Variants in LRP5 observed in about 807,000 individuals in gnomAD.
The protein encoded by LRP5 is LDL receptor related protein 5, also known as low-density lipoprotein receptor-related protein 5.
Under a neutral mutation model 154.1 loss-of-function variants are expected in LRP5, and 62 were observed. The observed-to-expected ratio is 0.40, with a 90% confidence interval of 0.33 to 0.50. LRP5 has a LOEUF of 0.50. Ranked by LOEUF, LRP5 falls within the 20% of genes least tolerant of loss-of-function variation. The pLI is 0.55. For missense variants in LRP5, 1,915 were observed against 2,336.7 expected, an observed-to-expected ratio of 0.82 and a Z score of 3.72; for synonymous variants, 966 against 1,011.5, an observed-to-expected ratio of 0.96 and a Z score of 0.85.
In LRP5 at chr11:68,423,440, C is replaced by T. The variant is rs1565100610; in HGVS notation, c.3028-49C>T. The stretch of plus-strand genomic sequence containing the variant: ...CAGTGCCAGGGGTCTCCGCCAGTGC[C>T]CAGGGGTCTCCGCCAGTGCTCAGGA... On this transcript the variant is annotated intron_variant, in intron 13 of 22. Coordinates refer to ENST00000294304, the MANE Select transcript of LRP5 (RefSeq NM_002335.4). This position sits in a 1 kb window ranked among gnomAD's most constrained non-coding sequence, Gnocchi z 4.7. The T allele has an allele frequency of 3.2e-6, 5 of 1,566,754 alleles. No individual in the cohort carries two copies. Among genetic ancestry groups the T allele is most frequent in the Non-Finnish European group, 4.4e-6 (5 of 1,137,306 alleles).
intron 4 of LRP5, among the ~76,000 whole-genome samples, chr11:68,364,581 G>A (rs1410544928): frequency 2.0e-5 from 3 of 152,128 alleles, no homozygotes; most frequent in African/African-American, 7.2e-5. Context: ...CTCAGCCTGG[G>A]GGCCACGCTG....
At chr11:68,382,426 T>G (rs2153150327) in intron 5 of LRP5, among the ~76,000 whole-genome samples, 1 of 152,286 alleles carries the variant, frequency 6.6e-6, no homozygotes, top group East Asian at 1.9e-4. Context: ...AGCAGACCTC[T>G]CAATCTCAGC....
intron 5 of LRP5, among the ~76,000 whole-genome samples, chr11:68,385,199 G>A: frequency 6.6e-6 from 1 of 152,166 alleles, no homozygotes; most frequent in East Asian, 1.9e-4. Flanking sequence ...CCTGTCTGCA[G>A]GGACATCCTG....
intron 17 of LRP5, among the ~76,000 whole-genome samples, chr11:68,433,106 T>C (rs1054688804): frequency 6.6e-6 from 1 of 152,198 alleles, no homozygotes; most frequent in Non-Finnish European, 1.5e-5. Flanking sequence ...CTGGCCCTTC[T>C]TCTGTAGCAG....
chr11:68,335,675 G>A (rs1386995964), intron 1 of LRP5, among the ~76,000 whole-genome samples: 2 of 152,166 alleles, frequency 1.3e-5, no homozygotes, highest in Non-Finnish European at 2.9e-5. Flanking sequence ...CTCTCTGTAA[G>A]GCGTGGGGCA....
intron 11 of LRP5, among the ~76,000 whole-genome samples, chr11:68,412,593 T>C (rs2098660208): frequency 6.6e-6 from 1 of 150,752 alleles, no homozygotes; most frequent in Admixed American, 6.6e-5. Context: ...TGTGGTGAGC[T>C]GTGATCATGC....
chr11:68,311,253 G>A (rs118072594), upstream of LRP5, among the ~76,000 whole-genome samples: 1,525 of 152,148 alleles, frequency 0.01, 15 homozygotes, highest in Non-Finnish European at 0.016. Flanking sequence ...CCTCTTCCCC[G>A]CCTGAGGTCT....
intron 9 of LRP5, among the ~76,000 whole-genome samples, chr11:68,407,778 C>A (rs536650617): frequency 6.6e-6 from 1 of 151,866 alleles, no homozygotes; most frequent in Admixed American, 6.6e-5. Flanking sequence ...ACCTGGGAGG[C>A]GGAGGTTGTG....
intron 16 of LRP5, among the ~76,000 whole-genome samples, chr11:68,427,179 A>T (rs931880528): frequency 1.2e-4 from 19 of 152,300 alleles, no homozygotes; most frequent in African/African-American, 4.3e-4. Flanking sequence ...ACATAAGGTC[A>T]TGACGCCGTG....
rs548530089 is a variant in LRP5 at position 68,330,887 on chromosome 11, C to A, written c.92-16960C>A. ...GGGGAGCATGCCAAGCTGGGGATCT[C>A]CACCGGTCCAGGATTCAGGGCGCCT... is the stretch of plus-strand genomic sequence containing the variant. On this transcript the variant is annotated intron_variant, in intron 1 of 22. Coordinates refer to ENST00000294304, the MANE Select transcript of LRP5 (RefSeq NM_002335.4). 1.5e-4 allele frequency among the ~76,000 whole-genome samples: 23 copies of A among 152,356 alleles called. No homozygotes were observed. The South Asian group carries it at 3.1e-3, about 21-fold the overall frequency.
At chr11:68,418,595 G>A (rs7944732) in intron 13 of LRP5, among the ~76,000 whole-genome samples, 1,555 of 152,228 alleles carry the variant, frequency 0.01, 22 homozygotes, top group African/African-American at 0.036. Context: ...GGCTGGTGCC[G>A]TCCAGACAGG....
At chr11:68,431,231 C>CTTTTTTTTTTT (rs34840282) in intron 17 of LRP5, among the ~76,000 whole-genome samples, 2 of 92,968 alleles carry the variant, frequency 2.2e-5, no homozygotes, top group African/African-American at 4.3e-5. Context: ...GCTGTGCACC[C>CTTTTTTTTTTT]TTTTTTTTTT....
chr11:68,431,916 T>A (rs2098672154), intron 17 of LRP5, among the ~76,000 whole-genome samples: 2 of 152,162 alleles, frequency 1.3e-5, no homozygotes, highest in South Asian at 4.1e-4. Context: ...CCAGGCCCCT[T>A]CCTCACGGCT....
chr11:68,429,530 G>A (rs534332909), intron 16 of LRP5, 45 bp from the exon 17 acceptor site: 2 of 1,612,820 alleles, frequency 1.2e-6, no homozygotes, highest in East Asian at 2.2e-5. Context: ...GTTCTGAGGT[G>A]GGAGACAGAG....
At chr11:68,382,488 G>A (rs776697461) in intron 5 of LRP5, among the ~76,000 whole-genome samples, 4 of 152,168 alleles carry the variant, frequency 2.6e-5, no homozygotes, top group Non-Finnish European at 5.9e-5. Flanking sequence ...AGTACAGTTC[G>A]TGGCTATGTG....
At chr11:68,378,504 C>G (rs576566088) in intron 5 of LRP5, among the ~76,000 whole-genome samples, 1 of 47,252 alleles carries the variant, frequency 2.1e-5, no homozygotes, top group East Asian at 7.5e-4. Flanking sequence ...AGGACCCTGT[C>G]CCCGGCATCC....
intron 1 of LRP5, among the ~76,000 whole-genome samples, chr11:68,328,195 G>A (rs1172129680): frequency 1.3e-5 from 2 of 152,004 alleles, no homozygotes; most frequent in Admixed American, 6.6e-5. Context: ...TGCTGATGGC[G>A]GCCTTCGGGC....
intron 7 of LRP5, among the ~76,000 whole-genome samples, chr11:68,392,992 G>T (rs566934297): frequency 6.6e-6 from 1 of 151,996 alleles, no homozygotes; most frequent in Non-Finnish European, 1.5e-5. Context: ...TGAACGTGGT[G>T]GTGGTGGGCA....
intron 2 of LRP5, among the ~76,000 whole-genome samples, chr11:68,357,375 G>A (rs2098623969): frequency 6.6e-6 from 1 of 152,198 alleles, no homozygotes; most frequent in South Asian, 2.1e-4. Flanking sequence ...TTACAGCAGA[G>A]TACACTAGGC....
Sources: allele counts gnomAD v4.1 joint callset (sites outside exome capture counted in the v4.1 genomes callset), GRCh38; gene constraint gnomAD v4.1.1; non-coding constraint Gnocchi (gnomAD v3.1); transcripts MANE v1.5; gene names NCBI Gene and HGNC (gene_info 2026-07-23, HGNC 2026-07-21).